Variants in DGKH observed in about 807,000 individuals in gnomAD.
DGKH encodes DAG kinase eta.
In DGKH, 90 loss-of-function variants were observed where a neutral mutation model predicts 159.3. That is an observed-to-expected ratio of 0.57 (90% CI 0.48 to 0.67). The LOEUF is 0.67. Among genes scored for constraint, DGKH ranks in the 30% least tolerant of loss-of-function variants. The probability of loss-of-function intolerance (pLI) is 0.00; values close to 1 mark genes in which losing one functional copy is unlikely to be tolerated. For synonymous variants in DGKH, 536 were observed against 553.8 expected (o/e 0.97, Z 0.45); for missense variants, 1,181 against 1,506.1 (o/e 0.78, Z 3.57).
chr13:42,197,754 C>T (rs1429059955), intron 17 of DGKH, among the ~76,000 whole-genome samples: 5 of 152,024 alleles, frequency 3.3e-5, no homozygotes, highest in Non-Finnish European at 5.9e-5. Context: ...TTTCTAATTT[C>T]CTCGTGTTTC....
intron 1 of DGKH, among the ~76,000 whole-genome samples, chr13:42,071,657 GT>G (rs1482448041): frequency 6.6e-6 from 1 of 152,200 alleles, no homozygotes; most frequent in African/African-American, 2.4e-5. Context: ...GATGTCCTTT[GT>G]TAATGAACAG....
chr13:42,084,724 T>C (rs1417392992), intron 1 of DGKH, among the ~76,000 whole-genome samples: 2 of 152,044 alleles, frequency 1.3e-5, no homozygotes, highest in Non-Finnish European at 2.9e-5. Context: ...TTTTCCAGGC[T>C]AGTAGTATAA....
chr13:42,128,213 T>C (rs1262119570), intron 2 of DGKH, among the ~76,000 whole-genome samples: 1 of 152,220 alleles, frequency 6.6e-6, no homozygotes, highest in East Asian at 1.9e-4. Flanking sequence ...TAATATAGTT[T>C]TGGGAGAAGC....
In DGKH at chr13:42,168,533, C is replaced by G. The variant is rs775631455; in HGVS notation, c.1212C>G (p.Leu404=). The G allele has an allele frequency of 1.2e-6, 2 of 1,614,092 alleles. No individual in the cohort carries two copies. The highest frequency in any genetic ancestry group is 1.7e-6 in the Non-Finnish European group (2 of 1,179,974). The change falls in exon 10 of 30, where the codon CTC becomes CTG. Residue 404 remains leucine (L), a synonymous_variant. Coordinates refer to ENST00000337343, the MANE Select transcript of DGKH (RefSeq NM_178009.5). ...VGWVLSEIDK[L]NLNKQCQLGV... is the part of the protein sequence containing the mutation. ...GGGTTTTGTCAGAAATCGATAAGCT[C>G]AACTTGAATAAACAGGCAAGTGCTA... is the stretch of plus-strand genomic sequence containing the variant.
intron 29 of DGKH, among the ~76,000 whole-genome samples, chr13:42,225,743 A>G (rs1210188908): frequency 6.7e-6 from 1 of 149,890 alleles, no homozygotes; most frequent in Non-Finnish European, 1.5e-5. Flanking sequence ...ACTGCACTCC[A>G]GCCTGAGTGA....
intron 1 of DGKH, among the ~76,000 whole-genome samples, chr13:42,068,516 A>G (rs1053623236): frequency 1.3e-5 from 2 of 152,218 alleles, no homozygotes; most frequent in African/African-American, 4.8e-5. Flanking sequence ...GTTTTACGAA[A>G]TGTGTACAGT....
At chr13:42,071,389 TCAAA>T (rs1882959485) in intron 1 of DGKH, among the ~76,000 whole-genome samples, 1 of 152,202 alleles carries the variant, frequency 6.6e-6, no homozygotes, top group South Asian at 2.1e-4. Context: ...CTCAAGAAAC[TCAAA>T]CAGAATGAAA....
rs61959416 is a variant in DGKH, at chr13:42,250,285, A to T, written n.4055-2124A>T. 3.5e-3 allele frequency among the ~76,000 whole-genome samples: 498 copies of T among 141,768 alleles called. 3 individuals carry two copies. Among genetic ancestry groups the T allele is most frequent in the African/African-American group, 0.013 (462 of 36,930 alleles). The allele number at this position is 141,768 out of a possible 152,430, so 93.0% of individuals were successfully genotyped here. A position where few individuals can be genotyped will look rare whatever the true frequency, so the allele number is the denominator to read the frequency against. On this transcript the variant is annotated intron_variant and non_coding_transcript_variant, in intron 29 of 30. Transcript: ENST00000498255. ...CGACCGGCCACTCCAGCTCCTATTTAAAAAAAAAAAAGTTTATAATTAACA... is the reference window on the plus strand; with the variant it reads ...CGACCGGCCACTCCAGCTCCTATTTTAAAAAAAAAAAGTTTATAATTAACA...
chr13:42,174,050 C>A lies in DGKH; in HGVS notation c.1368-10C>A, dbSNP rs376757460. On this transcript the variant is annotated splice_polypyrimidine_tract_variant and intron_variant, in intron 11 of 29. Transcript: ENST00000337343. ...GGAAATCTTTGACCAAAGAGTTTTT[C>A]TCCCTTCAGGTGGAGTATAATGACA... 45 of 1,605,562 alleles carry A rather than the reference C, an allele frequency of 2.8e-5. No homozygotes were observed. The highest frequency in any genetic ancestry group is 3.7e-5 in the Non-Finnish European group (44 of 1,176,996).
At chr13:42,251,341 T>G (rs1054169077) in intron 29 of DGKH, among the ~76,000 whole-genome samples, 1 of 152,134 alleles carries the variant, frequency 6.6e-6, no homozygotes, top group Middle Eastern at 3.2e-3. Context: ...CTGGGCATGG[T>G]GACATGTGCC....
chr13:42,076,666 T>C (rs1954106718), intron 1 of DGKH, among the ~76,000 whole-genome samples: 1 of 152,214 alleles, frequency 6.6e-6, no homozygotes, highest in African/African-American at 2.4e-5. Context: ...TTTTAACATA[T>C]AATGTTGGGA....
rs949313524 is a variant in DGKH at position 42,242,768 on chromosome 13, C to T, written c.*13580C>T. On this transcript the variant is annotated 3_prime_UTR_variant, in exon 30 of 30. Transcript: ENST00000337343. ...GTATTTATTGTACGGAAGTCACTGA[C>T]GTGTGTATTTTTGTACTTTGCTGAA... 2.6e-5 allele frequency: 4 copies of T among 152,016 alleles called. No homozygotes were observed. Among genetic ancestry groups the T allele is most frequent in the Non-Finnish European group, 4.4e-5 (3 of 68,000 alleles). 9.4% of individuals were successfully genotyped at this position (152,016 alleles called of 1,614,324 possible). A position where few individuals can be genotyped will look rare whatever the true frequency, so the allele number is the denominator to read the frequency against.
At chr13:42,110,005 T>A (rs748699033) in intron 1 of DGKH, among the ~76,000 whole-genome samples, 6 of 152,202 alleles carry the variant, frequency 3.9e-5, no homozygotes, top group Non-Finnish European at 7.3e-5. Context: ...TCCAGAGAAC[T>A]GACAGATTTC....
chr13:42,203,991 G>A lies in DGKH; in HGVS notation c.2494-2048G>A, dbSNP rs189540009. ...TCTGTATTCCTCGTATTTTTCCTAT[G>A]AGACTCTATGAAATGGACATTAAGC... is the stretch of plus-strand genomic sequence containing the variant. On this transcript the variant is annotated intron_variant, in intron 20 of 29. Transcript: ENST00000337343. Among the ~76,000 whole-genome samples, 187 of 152,148 alleles carry A rather than the reference G, an allele frequency of 1.2e-3. 4 individuals are homozygous for A. Among genetic ancestry groups the A allele is most frequent in the Non-Finnish European group, 4.4e-4 (30 of 68,006 alleles).
intron 1 of DGKH, among the ~76,000 whole-genome samples, chr13:42,110,392 A>G (rs1022606041): frequency 1.3e-5 from 2 of 152,308 alleles, no homozygotes; most frequent in South Asian, 4.1e-4. Flanking sequence ...TTATTAGTTA[A>G]AAAAACAAAC....
rs775224690 is a variant in DGKH at position 42,210,590 on chromosome 13, G to T, written c.2851-12G>T. 8 of 1,609,222 alleles carry T rather than the reference G, an allele frequency of 5.0e-6. No homozygotes were observed. In the African/African-American group the frequency reaches 9.4e-5, roughly 19 times the overall value. ...TAAACTAACAATTCGTTACAATATT[G>T]ACTTTAAATAGGCCTTTGAGAGCAC... On this transcript the variant is annotated splice_polypyrimidine_tract_variant and intron_variant, in intron 23 of 29. Transcript: ENST00000337343.
chr13:42,144,414 C>T (rs955185613), intron 3 of DGKH, among the ~76,000 whole-genome samples: 14 of 152,068 alleles, frequency 9.2e-5, no homozygotes, highest in Admixed American at 3.9e-4. Context: ...GGGCCAGACC[C>T]GGTGGCTCAC....
At chr13:42,043,542 G>A (rs1201445172) in intron 1 of DGKH, among the ~76,000 whole-genome samples, 1 of 151,958 alleles carries the variant, frequency 6.6e-6, no homozygotes, top group African/African-American at 2.4e-5. Context: ...GATCTGCCCA[G>A]GCTGGTCTCA....
chr13:42,157,046 A>G (rs1424908283), intron 5 of DGKH, among the ~76,000 whole-genome samples: 2 of 152,208 alleles, frequency 1.3e-5, no homozygotes, highest in African/African-American at 4.8e-5. Flanking sequence ...AAATTGGAAG[A>G]AGTTTGTAAC....
Sources: gnomAD v4.1 joint callset for allele counts (sites outside exome capture counted in the v4.1 genomes callset) on GRCh38, gnomAD v4.1.1 for gene constraint, MANE v1.5 for transcripts, NCBI Gene and HGNC (gene_info 2026-07-23, HGNC 2026-07-21) for gene names.